Variants in CNNM2 observed in about 807,000 individuals in gnomAD.
CNNM2 encodes the protein metal transporter CNNM2.
CNNM2 carries 12 observed loss-of-function variants against 66.9 expected under a neutral mutation model. The observed-to-expected ratio is 0.18, with a 90% confidence interval of 0.11 to 0.29. The LOEUF (loss-of-function observed/expected upper bound fraction) is 0.29, where lower values mean the gene tolerates loss of function less well. Ranked by LOEUF, CNNM2 falls within the 10% of genes least tolerant of loss-of-function variation. CNNM2 has a pLI of 1.00. For missense variants in CNNM2, 705 were observed against 1,167.7 expected (o/e 0.60, Z 5.77); for synonymous variants, 557 against 501.8 (o/e 1.11, Z -1.47).
chr10:102,936,078 A>G (rs1846231160), intron 1 of CNNM2, among the ~76,000 whole-genome samples: 1 of 151,640 alleles, frequency 6.6e-6, no homozygotes, highest in Admixed American at 6.6e-5. Flanking sequence ...CATGCTAGCA[A>G]AGACAGATTG....
At chr10:103,016,953 G>A (rs1439244895) in intron 1 of CNNM2, among the ~76,000 whole-genome samples, 2 of 151,270 alleles carry the variant, frequency 1.3e-5, no homozygotes, top group African/African-American at 2.4e-5. Flanking sequence ...TGGGCGGGGG[G>A]TACTTTGTCA....
chr10:102,936,788 T>C (rs1341674795), intron 1 of CNNM2, among the ~76,000 whole-genome samples: 1 of 152,226 alleles, frequency 6.6e-6, no homozygotes, highest in African/African-American at 2.4e-5. Context: ...TATGTTTTTC[T>C]GTGTTGCTCC....
chr10:103,075,402 T>TG (rs2065672376), intron 6 of CNNM2, among the ~76,000 whole-genome samples: 1 of 152,208 alleles, frequency 6.6e-6, no homozygotes, highest in Non-Finnish European at 1.5e-5. Context: ...ACACCCAGAC[T>TG]GGCGCTCCTT....
chr10:102,950,127 G>A (rs371556380), intron 1 of CNNM2, among the ~76,000 whole-genome samples: 6 of 152,196 alleles, frequency 3.9e-5, no homozygotes, highest in Admixed American at 6.5e-5. Flanking sequence ...ACTTTGGGCC[G>A]AGAGTTAGTC....
chr10:102,919,828 A>G lies in CNNM2; in HGVS notation c.1348A>G (p.Met450Val). Residue 450 changes from methionine to valine, a missense_variant, in exon 1 of 8, where the codon ATG becomes GTG. By Grantham distance (21) the Met-to-Val change is conservative (BLOSUM62 1). This residue lies in a region of CNNM2 where 14 missense variants were observed against 68.6 expected (regional missense o/e 0.20). Transcript: ENST00000369878. Reference sequence around the variant, plus strand: ...CCGCACCAAGACGGTGGAGGACGTGATGACCCCACTCCGGGACTGCTTCAT... The same window carrying G: ...CCGCACCAAGACGGTGGAGGACGTGGTGACCCCACTCCGGGACTGCTTCAT... ...ELRTKTVEDV[M>V]TPLRDCFMIT... The G allele has an allele frequency of 6.2e-7, 1 of 1,614,208 alleles. No individual in the cohort carries two copies. The highest frequency in any genetic ancestry group is 8.5e-7 in the Non-Finnish European group (1 of 1,180,038).
rs536827183 is a variant in CNNM2 at position 102,998,052 on chromosome 10, G to A, written c.1622-51655G>A. ...TTGTTTTTTTTTTCTGTTTCTTGAT[G>A]GCTCTGATTAAGTTAGAGTTAACAA... is the stretch of plus-strand genomic sequence containing the variant. On this transcript the variant is annotated intron_variant, in intron 1 of 7. Coordinates refer to ENST00000369878, the MANE Select transcript of CNNM2 (RefSeq NM_017649.5). Among the ~76,000 whole-genome samples, 8 of 151,688 alleles carry A rather than the reference G, an allele frequency of 5.3e-5. No homozygotes were observed. In the South Asian group the frequency reaches 1.7e-3, roughly 32 times the overall value.
intron 1 of CNNM2, among the ~76,000 whole-genome samples, chr10:103,018,071 C>T (rs1564847001): frequency 6.6e-6 from 1 of 151,002 alleles, no homozygotes; most frequent in African/African-American, 2.4e-5. Context: ...GAGTTTTGAG[C>T]AGGGGAGTGG....
At chr10:103,047,254 C>G (rs557112287) in intron 1 of CNNM2, among the ~76,000 whole-genome samples, 2 of 152,292 alleles carry the variant, frequency 1.3e-5, no homozygotes, top group South Asian at 4.1e-4. Flanking sequence ...ACTAGAAAAC[C>G]TATAACCCAG....
intron 1 of CNNM2, among the ~76,000 whole-genome samples, chr10:103,049,207 C>T (rs1334486791): frequency 1.3e-5 from 2 of 152,196 alleles, no homozygotes; most frequent in Non-Finnish European, 2.9e-5. Context: ...TGACAGAGAA[C>T]AGTGTTCACT....
chr10:102,947,909 C>T (rs917128144), intron 1 of CNNM2, among the ~76,000 whole-genome samples: 4 of 151,792 alleles, frequency 2.6e-5, no homozygotes, highest in African/African-American at 4.8e-5. Context: ...AAAAATTAGC[C>T]GGGCGTGGTG....
chr10:103,078,999 G>T lies in CNNM2; in HGVS notation c.*1819G>T, dbSNP rs1432521649. 4 of 152,396 alleles carry T rather than the reference G, an allele frequency of 2.6e-5. No homozygotes were observed. The East Asian group carries it at 5.8e-4, about 22-fold the overall frequency. The allele number at this position is 152,396 out of a possible 1,614,324, so 9.4% of individuals were successfully genotyped here. On this transcript the variant is annotated 3_prime_UTR_variant, in exon 8 of 8. Transcript: ENST00000369878. ...AAGGTGCCGTGTCCCTTAGTGGGGG[G>T]AAGTACTGATCTCACTTGGTGTAGA...
At chr10:102,976,986 ACTTTAC>A (rs2063644696) in intron 1 of CNNM2, among the ~76,000 whole-genome samples, 1 of 152,170 alleles carries the variant, frequency 6.6e-6, no homozygotes, top group Non-Finnish European at 1.5e-5. Context: ...GACTATTAAC[ACTTTAC>A]CTTTATGTGC....
chr10:103,069,101 T>C (rs1023700883), intron 5 of CNNM2, among the ~76,000 whole-genome samples: 8 of 152,184 alleles, frequency 5.3e-5, no homozygotes, highest in African/African-American at 1.9e-4. Flanking sequence ...AGAGGCTGGC[T>C]CCTTTCTCTG....
chr10:102,920,598 G>C (rs1384468186), intron 1 of CNNM2, among the ~76,000 whole-genome samples: 1 of 152,096 alleles, frequency 6.6e-6, no homozygotes, highest in African/African-American at 2.4e-5. Context: ...TTCAAAGATC[G>C]AAGTACATTT....
chr10:103,034,316 GTT>G (rs36150058), intron 1 of CNNM2, among the ~76,000 whole-genome samples: 18 of 141,956 alleles, frequency 1.3e-4, no homozygotes, highest in African/African-American at 3.3e-4. Context: ...TGTCTTTCTT[GTT>G]TTTTTTTTTT....
chr10:102,965,213 C>G (rs760371176), intron 1 of CNNM2, among the ~76,000 whole-genome samples: 2 of 152,190 alleles, frequency 1.3e-5, no homozygotes, highest in Non-Finnish European at 2.9e-5. Context: ...ACACACAGCT[C>G]TCTATAAATA....
chr10:102,999,630 T>C (rs1179659366), intron 1 of CNNM2, among the ~76,000 whole-genome samples: 1 of 152,038 alleles, frequency 6.6e-6, no homozygotes, highest in Admixed American at 6.6e-5. Flanking sequence ...ACAATCCTTA[T>C]CAAAATCCAG....
In CNNM2 at chr10:102,919,036, A is replaced by T; in HGVS notation, c.556A>T (p.Ser186Cys). The change falls in exon 1 of 8, where the codon AGC becomes TGC. Residue 186 changes from serine to cysteine, a missense_variant. Physicochemically the swap from Ser to Cys is moderately radical, Grantham distance 112. Transcript: ENST00000369878. The stretch of plus-strand genomic sequence containing the variant: ...CAAACCGCTACGCAAGATGGAGAAG[A>T]GCAAGTCCTATTACCTGTGCACGTC... ...EIKPLRKMEK[S>C]KSYYLCTSLS... 1.2e-6 allele frequency: 2 copies of T among 1,612,636 alleles called. No individual in the cohort carries two copies. Among genetic ancestry groups the T allele is most frequent in the Non-Finnish European group, 1.7e-6 (2 of 1,179,478 alleles).
intron 1 of CNNM2, among the ~76,000 whole-genome samples, chr10:103,049,200 CAG>C (rs990345993): frequency 5.3e-5 from 8 of 152,194 alleles, no homozygotes; most frequent in African/African-American, 1.9e-4. Flanking sequence ...TGTGTTGTGA[CAG>C]AGAACAGTGT....
Sources: gnomAD v4.1 joint callset for allele counts (sites outside exome capture counted in the v4.1 genomes callset) on GRCh38, gnomAD v4.1.1 for gene constraint, gnomAD v4.1.1 regional missense constraint, MANE v1.5 for transcripts, NCBI Gene and HGNC (gene_info 2026-07-23, HGNC 2026-07-21) for gene names.